PTK2: variants seen among roughly 807,000 people sequenced by gnomAD.
The protein encoded by PTK2 is focal adhesion kinase 1.
A neutral mutation model predicts 150.1 loss-of-function variants in PTK2; 45 were observed. The ratio of observed to expected loss-of-function variants is 0.30; its 90% CI spans 0.24 to 0.38. PTK2 has a LOEUF of 0.38. PTK2 is among the 10% of genes least tolerant of loss of function. The pLI is 1.00. For synonymous variants in PTK2, 432 were observed against 449.2 expected (o/e 0.96, Z 0.48); for missense variants, 919 against 1,307.3 (o/e 0.70, Z 4.58).
intron 1 of PTK2, among the ~76,000 whole-genome samples, chr8:140,953,818 C>T (rs1464680281): frequency 4.6e-5 from 7 of 152,144 alleles, no homozygotes; most frequent in Non-Finnish European, 1.0e-4. Flanking sequence ...TGGACTCTTG[C>T]TCTGTCACTC....
At chr8:140,949,191 TTACTC>T (rs1468304212) in intron 1 of PTK2, among the ~76,000 whole-genome samples, 2 of 152,246 alleles carry the variant, frequency 1.3e-5, no homozygotes, top group African/African-American at 4.8e-5. Flanking sequence ...TTTCTCTAGT[TTACTC>T]TGTTGTAAAA....
intron 27 of PTK2, among the ~76,000 whole-genome samples, chr8:140,682,813 A>C (rs1418797771): frequency 6.6e-6 from 1 of 152,234 alleles, no homozygotes; most frequent in Non-Finnish European, 1.5e-5. Flanking sequence ...ATAAGTACAA[A>C]GATACAACAC....
At chr8:140,749,102 T>C (rs747338948) in intron 17 of PTK2, among the ~76,000 whole-genome samples, 4 of 152,240 alleles carry the variant, frequency 2.6e-5, no homozygotes, top group Admixed American at 1.3e-4. Flanking sequence ...AGCTCACTTA[T>C]GTGTTTTACA....
chr8:140,691,487 C>T (rs2100023195), intron 26 of PTK2, among the ~76,000 whole-genome samples: 2 of 152,144 alleles, frequency 1.3e-5, no homozygotes, highest in African/African-American at 4.8e-5. Context: ...TTGTAATTTG[C>T]TCCTCTCCTC....
chr8:140,864,996 C>A (rs1254186932), intron 4 of PTK2, among the ~76,000 whole-genome samples: 1 of 152,140 alleles, frequency 6.6e-6, no homozygotes, highest in African/African-American at 2.4e-5. Context: ...AAACAGCATG[C>A]CAAAGAGGTT....
chr8:140,831,069 A>G (rs539621268), intron 7 of PTK2, among the ~76,000 whole-genome samples: 1 of 152,340 alleles, frequency 6.6e-6, no homozygotes, highest in South Asian at 2.1e-4. Context: ...AGGAAAAAAC[A>G]AACAGATAAA....
At chr8:140,938,879 A>G (rs1603428201) in intron 1 of PTK2, among the ~76,000 whole-genome samples, 1 of 152,198 alleles carries the variant, frequency 6.6e-6, no homozygotes, top group Non-Finnish European at 1.5e-5. Flanking sequence ...GTGGTGGTGC[A>G]TGCCTGTAAT....
At chr8:140,740,814 G>C (rs1176309653) in intron 20 of PTK2, among the ~76,000 whole-genome samples, 1 of 152,188 alleles carries the variant, frequency 6.6e-6, no homozygotes. Context: ...ATAAACAATT[G>C]ATTTTCTTTT....
rs543663696 is a variant in PTK2 at position 140,961,081 on chromosome 8, A to C, written c.-121-35332T>G. Among the ~76,000 whole-genome samples, 3 of 152,354 alleles carry C rather than the reference A, an allele frequency of 2.0e-5. No individual in the cohort carries two copies. In the South Asian group the frequency reaches 6.2e-4, roughly 32 times the overall value. ...TATATAGAAAAGACATCTGAAATCA[A>C]ATTCAAGAAACCTGAATTCCAGTCC... On this transcript the variant is annotated intron_variant, in intron 1 of 31. Transcript: ENST00000522684.
intron 3 of PTK2, among the ~76,000 whole-genome samples, chr8:140,884,036 T>A (rs1216299428): frequency 6.6e-6 from 1 of 152,096 alleles, no homozygotes; most frequent in Admixed American, 6.6e-5. Context: ...TCTTTCATAT[T>A]CACCTCCCAC....
chr8:140,775,864 C>T (rs1401165370), intron 14 of PTK2, among the ~76,000 whole-genome samples: 1 of 152,170 alleles, frequency 6.6e-6, no homozygotes, highest in Admixed American at 6.5e-5. Context: ...ATTTTGAAAT[C>T]CTCTGTCAGA....
At position 140,778,918 on chromosome 8, in the gene PTK2, T is replaced by C. The variant is rs142223652; in HGVS notation, c.1177+10556A>G. Among the ~76,000 whole-genome samples, 684 of 152,008 alleles carry C rather than the reference T, an allele frequency of 4.5e-3. 5 individuals carry two copies. The highest frequency in any genetic ancestry group is 0.016 in the African/African-American group (647 of 41,450). On this transcript the variant is annotated intron_variant, in intron 14 of 31. Transcript: ENST00000522684. ...GTTATAGTTGTAGATAAAGTGTAGG[T>C]CTCACAGGAAAGAGAAATAGCAGAC...
intron 5 of PTK2, among the ~76,000 whole-genome samples, chr8:140,861,254 C>G (rs1442270469): frequency 1.3e-5 from 2 of 152,090 alleles, no homozygotes; most frequent in Admixed American, 1.3e-4. Flanking sequence ...GAGGCTGAGG[C>G]AGGGCGATTG....
intron 4 of PTK2, among the ~76,000 whole-genome samples, chr8:140,869,969 AC>A (rs1366610375): frequency 4.6e-5 from 7 of 152,208 alleles, no homozygotes; most frequent in Non-Finnish European, 8.8e-5. Context: ...ACAATTAAAT[AC>A]ATTAAATGTC....
At chr8:140,927,725 G>A (rs556185322) in intron 1 of PTK2, among the ~76,000 whole-genome samples, 2 of 151,868 alleles carry the variant, frequency 1.3e-5, no homozygotes, top group African/African-American at 2.4e-5. Flanking sequence ...GGAGGCCAAG[G>A]CAGGTGGATG....
intron 1 of PTK2, among the ~76,000 whole-genome samples, chr8:140,947,161 T>C (rs1317419058): frequency 2.6e-5 from 4 of 152,212 alleles, no homozygotes; most frequent in African/African-American, 9.6e-5. Context: ...TGCTTGGCTC[T>C]GTCCTCACTA....
intron 4 of PTK2, among the ~76,000 whole-genome samples, chr8:140,874,766 T>C (rs1240441301): frequency 6.6e-6 from 1 of 152,200 alleles, no homozygotes; most frequent in Admixed American, 6.5e-5. Flanking sequence ...GTTAATATGG[T>C]AATACTGTTA....
At chr8:140,999,701 G>A (rs1212872762) in intron 1 of PTK2, among the ~76,000 whole-genome samples, 1 of 152,172 alleles carries the variant, frequency 6.6e-6, no homozygotes, top group Non-Finnish European at 1.5e-5. Flanking sequence ...GGGACGGAGT[G>A]CTCAACTCTC....
intron 2 of PTK2, among the ~76,000 whole-genome samples, chr8:140,911,555 T>C (rs2100163168): frequency 6.6e-6 from 1 of 152,120 alleles, no homozygotes; most frequent in Non-Finnish European, 1.5e-5. Context: ...AATACACAAA[T>C]CCTAAAGTGA....
Sources: allele counts gnomAD v4.1 joint callset (sites outside exome capture counted in the v4.1 genomes callset), GRCh38; gene constraint gnomAD v4.1.1; transcripts MANE v1.5; gene names NCBI Gene and HGNC (gene_info 2026-07-23, HGNC 2026-07-21).